Variants in INPP4B observed in about 807,000 individuals in gnomAD.
INPP4B encodes the protein inositol polyphosphate-4-phosphatase type II B, also known as inositol polyphosphate 4-phosphatase type II.
A neutral mutation model predicts 122.5 loss-of-function variants in INPP4B; 55 were observed. That is an observed-to-expected ratio of 0.45 (90% CI 0.36 to 0.56). The LOEUF is 0.56. INPP4B is among the 20% of genes least tolerant of loss of function. The pLI is 0.00. For missense variants in INPP4B, 1,000 were observed against 1,097.7 expected (o/e 0.91, Z 1.26); for synonymous variants, 403 against 388.7 (o/e 1.04, Z -0.43).
chr4:142,662,167 G>A (rs977242785), intron 2 of INPP4B, among the ~76,000 whole-genome samples: 36 of 151,924 alleles, frequency 2.4e-4, no homozygotes, highest in African/African-American at 4.8e-4. Context: ...CCTGGCAGGC[G>A]GAGCTTGTAG....
At chr4:142,290,195 CTTTTTTTTTTTTTTTT>C (rs35260066) in intron 9 of INPP4B, among the ~76,000 whole-genome samples, 4 of 77,482 alleles carry the variant, frequency 5.2e-5, no homozygotes, top group African/African-American at 1.3e-4. Flanking sequence ...TTCTTTCTTC[CTTTTTTTTTTTTTTTT>C]TTTTTTTTTT....
chr4:142,444,575 T>C (rs1812503590), intron 3 of INPP4B, among the ~76,000 whole-genome samples: 1 of 151,984 alleles, frequency 6.6e-6, no homozygotes, highest in Non-Finnish European at 1.5e-5. Flanking sequence ...GTAAATTAGT[T>C]CAACCACTGT....
At chr4:142,473,532 C>G (rs1819265231) in intron 2 of INPP4B, 1 of 152,592 alleles carries the variant, frequency 6.6e-6, no homozygotes, top group Non-Finnish European at 1.5e-5. Context: ...GGAGGCAACT[C>G]TCAAAGTGCA....
intron 1 of INPP4B, among the ~76,000 whole-genome samples, chr4:142,788,888 A>T (rs1284482458): frequency 6.6e-6 from 1 of 152,132 alleles, no homozygotes; most frequent in Non-Finnish European, 1.5e-5. Context: ...ATCCACCATG[A>T]TCAAGTGGGT....
chr4:142,136,377 A>T (rs1054486999), intron 18 of INPP4B, among the ~76,000 whole-genome samples: 1 of 152,224 alleles, frequency 6.6e-6, no homozygotes, highest in Non-Finnish European at 1.5e-5. Context: ...ATGCAAAGAT[A>T]AAGTTATTTG....
At chr4:142,786,705 A>G (rs914414503) in intron 1 of INPP4B, among the ~76,000 whole-genome samples, 1 of 152,128 alleles carries the variant, frequency 6.6e-6, no homozygotes, top group Non-Finnish European at 1.5e-5. Flanking sequence ...ATGGTATGAT[A>G]AAAAAGGCAC....
At chr4:142,540,012 C>A (rs972494852) in intron 2 of INPP4B, among the ~76,000 whole-genome samples, 6 of 151,988 alleles carry the variant, frequency 3.9e-5, no homozygotes, top group Non-Finnish European at 7.4e-5. Context: ...CTTTTTCTGT[C>A]CTTTTTAACT....
chr4:142,482,815 A>G (rs1391851106), intron 2 of INPP4B, among the ~76,000 whole-genome samples: 1 of 152,052 alleles, frequency 6.6e-6, no homozygotes, highest in Non-Finnish European at 1.5e-5. Flanking sequence ...CTCATAGCAT[A>G]TATTTATTTG....
intron 19 of INPP4B, among the ~76,000 whole-genome samples, 162 bp downstream of exon 19, chr4:142,124,426 A>G (rs1164182877): frequency 6.6e-6 from 1 of 152,144 alleles, no homozygotes; most frequent in Non-Finnish European, 1.5e-5. Flanking sequence ...TTTGCTTAGG[A>G]TATTCAGCTG....
intron 1 of INPP4B, among the ~76,000 whole-genome samples, chr4:142,819,596 T>C (rs1780554147): frequency 6.6e-6 from 1 of 152,170 alleles, no homozygotes; most frequent in Non-Finnish European, 1.5e-5. Flanking sequence ...GTGCTGCAAA[T>C]TCTATCTGCA....
intron 2 of INPP4B, among the ~76,000 whole-genome samples, chr4:142,553,636 A>G (rs1440591119): frequency 6.6e-6 from 1 of 152,224 alleles, no homozygotes; most frequent in African/African-American, 2.4e-5. Context: ...GGGTTCCCCA[A>G]CAGGCATGAG....
intron 2 of INPP4B, among the ~76,000 whole-genome samples, chr4:142,549,712 A>C (rs937582638): frequency 5.3e-5 from 8 of 152,152 alleles, no homozygotes; most frequent in Non-Finnish European, 1.0e-4. Flanking sequence ...GGATGGTTAC[A>C]CAGGGGTGTC....
chr4:142,182,249 A>G (rs755573000), intron 15 of INPP4B, among the ~76,000 whole-genome samples: 4 of 152,120 alleles, frequency 2.6e-5, no homozygotes, highest in African/African-American at 4.8e-5. Flanking sequence ...TCTAAGTTCT[A>G]TGATTTAAAA....
chr4:142,156,401 A>G (rs1373760864), intron 17 of INPP4B, among the ~76,000 whole-genome samples: 1 of 152,146 alleles, frequency 6.6e-6, no homozygotes, highest in Non-Finnish European at 1.5e-5. Flanking sequence ...TGGACAAACT[A>G]ATCTTGGAAT....
intron 2 of INPP4B, among the ~76,000 whole-genome samples, chr4:142,688,899 C>A (rs533701434): frequency 1.1e-4 from 17 of 152,318 alleles, no homozygotes; most frequent in Non-Finnish European, 2.1e-4. Context: ...GATCAGCTGG[C>A]ATGACCCAGG....
At chr4:142,052,899 A>G (rs954018264) in intron 25 of INPP4B, among the ~76,000 whole-genome samples, 1 of 152,050 alleles carries the variant, frequency 6.6e-6, no homozygotes, top group Non-Finnish European at 1.5e-5. Context: ...CTCTTCATTC[A>G]TCATGTACCA....
chr4:142,274,777 A>C (rs1747578838), intron 9 of INPP4B, among the ~76,000 whole-genome samples: 1 of 151,794 alleles, frequency 6.6e-6, no homozygotes, highest in Non-Finnish European at 1.5e-5. Context: ...CAATCTACTT[A>C]AGGAAAAAAA....
chr4:142,431,196 T>G lies in INPP4B; in HGVS notation c.64A>C (p.Asn22His). Residue 22 changes from asparagine to histidine, a missense_variant, in exon 4 of 26, where the codon AAT (asparagine) becomes CAT (histidine). Transcript: ENST00000262992. ...GQHFLPTAQA[N>H]DPGDCQFTSI... ...GTGAACTGACAGTCCCCGGGATCAT[T>G]GGCCTGGGCTGTAGGAAGAAAGTGC... The G allele has an allele frequency of 6.2e-7, 1 of 1,613,306 alleles. No homozygotes were observed. Among genetic ancestry groups the G allele is most frequent in the Non-Finnish European group, 8.5e-7 (1 of 1,179,400 alleles).
intron 9 of INPP4B, among the ~76,000 whole-genome samples, chr4:142,288,558 G>C (rs1754921072): frequency 6.6e-6 from 1 of 152,118 alleles, no homozygotes; most frequent in African/African-American, 2.4e-5. Flanking sequence ...ACTCCAGCCT[G>C]GGCGACAGAG....
Sources: allele counts gnomAD v4.1 joint callset (sites outside exome capture counted in the v4.1 genomes callset), GRCh38; gene constraint gnomAD v4.1.1; transcripts MANE v1.5; gene names NCBI Gene and HGNC (gene_info 2026-07-23, HGNC 2026-07-21).